AGAP1: variants seen among roughly 807,000 people sequenced by gnomAD.
The protein encoded by AGAP1 is ArfGAP with GTPase domain, ankyrin repeat and PH domain 1.
Under a neutral mutation model 105.3 loss-of-function variants are expected in AGAP1, and 29 were observed. The observed-to-expected ratio is 0.28, with a 90% CI of 0.21 to 0.38. AGAP1 has a LOEUF of 0.38. Among genes scored for constraint, AGAP1 ranks in the 10% least tolerant of loss-of-function variants. The pLI is 1.00. For synonymous variants in AGAP1, 509 were observed against 485.9 expected (o/e 1.05, Z -0.63); for missense variants, 998 against 1,165.1 (o/e 0.86, Z 2.09).
At position 236,095,430 on chromosome 2, in the gene AGAP1, G is replaced by A. The variant is rs2059168874; in HGVS notation, c.2115-24762G>A. On this transcript the variant is annotated intron_variant, in intron 16 of 17. Coordinates refer to ENST00000304032, the MANE Select transcript of AGAP1 (RefSeq NM_001037131.3). This position sits in a 1 kb window ranked among gnomAD's most constrained non-coding sequence, Gnocchi z 4.1. ...ACAGTGGCTCACGTGTGTAATCCCA[G>A]CACTTTTGGAGGCTGAGGCTGGAGG... is the stretch of plus-strand genomic sequence containing the variant. Among the ~76,000 whole-genome samples the A allele has an allele frequency of 6.6e-6, 1 of 152,034 alleles. No individual in the cohort carries two copies. The highest frequency in any genetic ancestry group is 6.6e-5 in the Admixed American group (1 of 15,258).
rs374790151 is a variant in AGAP1 at position 235,609,388 on chromosome 2, A to G, written c.164-99791A>G. ...AGGGAGAGCTTCAGAATGAGCGGGA[A>G]GCCTCCACAACAGGTGGAGAAAATA... On this transcript the variant is annotated intron_variant, in intron 1 of 17. Coordinates refer to ENST00000304032, the MANE Select transcript of AGAP1 (RefSeq NM_001037131.3). The surrounding 1 kb of genome is among the most constrained non-coding windows in gnomAD (Gnocchi z 5.1). Among the ~76,000 whole-genome samples, 21 of 152,312 alleles carry G rather than the reference A, an allele frequency of 1.4e-4. No homozygotes were observed. In the East Asian group the frequency reaches 3.5e-3, roughly 25 times the overall value.
chr2:235,537,634 A>G (rs146449830), intron 1 of AGAP1, among the ~76,000 whole-genome samples: 1 of 152,294 alleles, frequency 6.6e-6, no homozygotes, highest in Non-Finnish European at 1.5e-5. Flanking sequence ...GTTTCTTCTT[A>G]TTACTATCAA....
chr2:235,913,268 G>C (rs1408096915), intron 11 of AGAP1, among the ~76,000 whole-genome samples: 1 of 151,286 alleles, frequency 6.6e-6, no homozygotes, highest in Non-Finnish European at 1.5e-5. Context: ...ATGTGTTTAT[G>C]TGTGTGAATA....
At chr2:236,072,785 C>T (rs1189425001) in intron 16 of AGAP1, among the ~76,000 whole-genome samples, 2 of 151,798 alleles carry the variant, frequency 1.3e-5, no homozygotes, top group Non-Finnish European at 2.9e-5. Flanking sequence ...CTTACATTTT[C>T]CCCTCTAATG....
intron 9 of AGAP1, among the ~76,000 whole-genome samples, chr2:235,814,419 C>T (rs558313223): frequency 1.5e-4 from 23 of 152,196 alleles, no homozygotes; most frequent in African/African-American, 5.3e-4. Flanking sequence ...GTTAATGTTG[C>T]CAGAACTTGT....
At chr2:235,713,770 A>G (rs1014266929) in intron 2 of AGAP1, among the ~76,000 whole-genome samples, 1 of 152,216 alleles carries the variant, frequency 6.6e-6, no homozygotes, top group Admixed American at 6.5e-5. Flanking sequence ...AACAACAGAA[A>G]TATATAGCTC....
chr2:235,661,466 G>T (rs1559322038), intron 1 of AGAP1, among the ~76,000 whole-genome samples: 2 of 151,668 alleles, frequency 1.3e-5, no homozygotes, highest in Admixed American at 1.3e-4. Context: ...TCCTACTGAG[G>T]GGATGGGGCA....
rs948324308 is a variant in AGAP1, at chr2:235,865,624, G to A, written c.1051-17721G>A. On this transcript the variant is annotated intron_variant, in intron 9 of 17. Transcript: ENST00000304032. This position sits in a 1 kb window ranked among gnomAD's most constrained non-coding sequence, Gnocchi z 6.2. ...CTCCCTCCACTGTACAGAAGGAGCTGCAGAAAAGCCTCCATTTGTAAAATA... is the reference window on the plus strand; with the variant it reads ...CTCCCTCCACTGTACAGAAGGAGCTACAGAAAAGCCTCCATTTGTAAAATA... Among the ~76,000 whole-genome samples the A allele has an allele frequency of 9.2e-5, 14 of 152,112 alleles. No individual in the cohort carries two copies. The highest frequency in any genetic ancestry group is 3.4e-4 in the African/African-American group (14 of 41,410).
chr2:236,042,690 C>A lies in AGAP1; in HGVS notation c.1891+1849C>A, dbSNP rs558732644. Among the ~76,000 whole-genome samples, 6 of 152,134 alleles carry A rather than the reference C, an allele frequency of 3.9e-5. No individual in the cohort carries two copies. The highest frequency in any genetic ancestry group is 1.4e-4 in the African/African-American group (6 of 41,514). Reference sequence around the variant, plus strand: ...GGTCGCAGGTCCTGTCTGAGATGAGCTTGTGCATGTGAGTGCGGATGGGGG... The same window carrying A: ...GGTCGCAGGTCCTGTCTGAGATGAGATTGTGCATGTGAGTGCGGATGGGGG... On this transcript the variant is annotated intron_variant, in intron 15 of 17. Transcript: ENST00000304032. This position sits in a 1 kb window ranked among gnomAD's most constrained non-coding sequence, Gnocchi z 5.6.
At position 235,959,622 on chromosome 2, in the gene AGAP1, C is replaced by T. The variant is rs1250188436; in HGVS notation, c.1484-8840C>T. On this transcript the variant is annotated intron_variant, in intron 12 of 17. Transcript: ENST00000304032. This position sits in a 1 kb window ranked among gnomAD's most constrained non-coding sequence, Gnocchi z 7.3. The stretch of plus-strand genomic sequence containing the variant: ...TGAGTCCCAGGTGACACTTCCTGCC[C>T]GACTTCTGTCTCCTGCCACGGCCCC... Among the ~76,000 whole-genome samples the T allele has an allele frequency of 6.6e-6, 1 of 152,030 alleles. No homozygotes were observed. Among genetic ancestry groups the T allele is most frequent in the Non-Finnish European group, 1.5e-5 (1 of 68,024 alleles).
chr2:236,063,485 CT>C (rs1427553696), intron 16 of AGAP1, among the ~76,000 whole-genome samples: 3 of 152,152 alleles, frequency 2.0e-5, no homozygotes, highest in Non-Finnish European at 2.9e-5. Flanking sequence ...ATGATGAGGC[CT>C]TTAAACAACA....
rs1348335408 is a variant in AGAP1, at chr2:236,076,454, TAA to T, written c.2114+27175_2114+27176del. On this transcript the variant is annotated intron_variant, in intron 16 of 17. Transcript: ENST00000304032. The surrounding 1 kb of genome is among the most constrained non-coding windows in gnomAD (Gnocchi z 4.4). ...AGTGAGACTCCATCTCAAAAAAAAA[TAA>T]AGTCTTGAGAATGTTCACTTCCTGA... 2.0e-5 allele frequency among the ~76,000 whole-genome samples: 3 copies of T among 151,688 alleles called. No individual in the cohort carries two copies. The highest frequency in any genetic ancestry group is 7.3e-5 in the African/African-American group (3 of 41,256).
Position 235,982,369 on chromosome 2 carries a change from C to T in AGAP1, c.1645+13746C>T, listed in dbSNP as rs924070590. ...GATCTATAACTATTTTCATGATTTTCCCCCAAAATATTACTTTATTCTGCA... is the reference window on the plus strand; with the variant it reads ...GATCTATAACTATTTTCATGATTTTTCCCCAAAATATTACTTTATTCTGCA... On this transcript the variant is annotated intron_variant, in intron 13 of 17. Coordinates refer to ENST00000304032, the MANE Select transcript of AGAP1 (RefSeq NM_001037131.3). This position sits in a 1 kb window ranked among gnomAD's most constrained non-coding sequence, Gnocchi z 4.9. Among the ~76,000 whole-genome samples the T allele has an allele frequency of 3.9e-5, 6 of 152,134 alleles. No homozygotes were observed. Among genetic ancestry groups the T allele is most frequent in the African/African-American group, 1.4e-4 (6 of 41,426 alleles).
intron 1 of AGAP1, among the ~76,000 whole-genome samples, chr2:235,619,248 C>T (rs1946399454): frequency 6.6e-6 from 1 of 152,190 alleles, no homozygotes; most frequent in Non-Finnish European, 1.5e-5. Context: ...ACAGGGCGAT[C>T]CCCACTTTAC....
intron 9 of AGAP1, chr2:235,852,733 G>A: frequency 6.5e-7 from 1 of 1,539,182 alleles, no homozygotes; most frequent in South Asian, 1.2e-5. Flanking sequence ...CTTATCTCAG[G>A]CCTGCTGGAG....
rs555350719 is a variant in AGAP1, at chr2:235,901,400, C to A, written c.1156-7338C>A. ...TGAAAATAGGGAATAATGAGTCATT[C>A]TTTTCCTCCAGGAGAAGGAGGAACA... On this transcript the variant is annotated intron_variant, in intron 10 of 17. Transcript: ENST00000304032. This position sits in a 1 kb window ranked among gnomAD's most constrained non-coding sequence, Gnocchi z 4.3. 6.6e-6 allele frequency among the ~76,000 whole-genome samples: 1 copy of A among 152,114 alleles called. No homozygotes were observed. The highest frequency in any genetic ancestry group is 1.9e-4 in the East Asian group (1 of 5,162).
intron 15 of AGAP1, among the ~76,000 whole-genome samples, chr2:236,041,123 C>G (rs576466116): frequency 6.6e-4 from 100 of 152,202 alleles, no homozygotes; most frequent in Admixed American, 1.8e-3. Flanking sequence ...AACCCCACAC[C>G]CACAGCCTGT....
At chr2:235,530,612 T>C (rs1382365634) in intron 1 of AGAP1, among the ~76,000 whole-genome samples, 1 of 152,160 alleles carries the variant, frequency 6.6e-6, no homozygotes, top group Non-Finnish European at 1.5e-5. Flanking sequence ...ACCAGCTGTG[T>C]AGCATCTTCC....
At position 235,855,418 on chromosome 2, in the gene AGAP1, A is replaced by G. The variant is rs1342426125; in HGVS notation, c.1051-27927A>G. 3.9e-5 allele frequency among the ~76,000 whole-genome samples: 6 copies of G among 152,222 alleles called. No homozygotes were observed. Among genetic ancestry groups the G allele is most frequent in the Non-Finnish European group, 7.3e-5 (5 of 68,034 alleles). ...TATACTACATTTAAAGATAATTGCT[A>G]AAGTTTCTTTAGATGTCCTTATTCA... On this transcript the variant is annotated intron_variant, in intron 9 of 17. Transcript: ENST00000304032. The surrounding 1 kb of genome is among the most constrained non-coding windows in gnomAD (Gnocchi z 5.0).
Sources: allele counts gnomAD v4.1 joint callset (sites outside exome capture counted in the v4.1 genomes callset), GRCh38; gene constraint gnomAD v4.1.1; non-coding constraint Gnocchi (gnomAD v3.1); transcripts MANE v1.5; gene names NCBI Gene and HGNC (gene_info 2026-07-23, HGNC 2026-07-21).